Variants in DPYSL3 observed in about 807,000 individuals in gnomAD.
DPYSL3 encodes the protein dihydropyrimidinase like 3, also known as dihydropyrimidinase-related protein 3.
DPYSL3 carries 16 observed loss-of-function variants against 66.1 expected under a neutral mutation model. The ratio of observed to expected loss-of-function variants is 0.24; its 90% CI spans 0.16 to 0.37. The LOEUF (loss-of-function observed/expected upper bound fraction) is 0.37, where lower values mean the gene tolerates loss of function less well. DPYSL3 is among the 10% of genes least tolerant of loss of function. The probability of loss-of-function intolerance (pLI) is 1.00; values close to 1 mark genes in which losing one functional copy is unlikely to be tolerated. For missense variants in DPYSL3, 738 were observed against 916.2 expected (o/e 0.81, Z 2.51); for synonymous variants, 338 against 345.1 (o/e 0.98, Z 0.23).
intron 10 of DPYSL3, 39 bp from the exon 11 acceptor site, chr5:147,399,291 A>G: frequency 2.5e-6 from 4 of 1,595,050 alleles, no homozygotes; most frequent in Non-Finnish European, 2.6e-6. Context: ...ATCTATAGCT[A>G]CATATATATC....
At chr5:147,437,098 G>A (rs755703475) in intron 1 of DPYSL3, among the ~76,000 whole-genome samples, 8 of 152,154 alleles carry the variant, frequency 5.3e-5, no homozygotes, top group Admixed American at 1.3e-4. Context: ...CAAGGATTCC[G>A]GTCAAAGTTC....
At position 147,446,095 on chromosome 5, in the gene DPYSL3, C is replaced by G. The variant is rs552971742; in HGVS notation, c.382-21132G>C. On this transcript the variant is annotated intron_variant, in intron 1 of 13. Transcript: ENST00000343218. ...ATCCACTTTCTCCCTACTCTCTTTT[C>G]CCTCACAGGAAGGCCTTAGAACTCC... Among the ~76,000 whole-genome samples the G allele has an allele frequency of 2.0e-5, 3 of 152,316 alleles. No homozygotes were observed. The East Asian group carries it at 5.8e-4, about 29-fold the overall frequency.
In DPYSL3 at chr5:147,394,048, G is replaced by A. The variant is rs760199898; in HGVS notation, c.2042C>T (p.Thr681Ile). Residue 681 changes from threonine (T) to isoleucine (I), a missense_variant, in exon 14 of 14, where the codon ACA becomes ATA. Coordinates refer to ENST00000343218, the MANE Select transcript of DPYSL3 (RefSeq NM_001197294.2). ...AGGAAGGCTTGCTTAACTCAGAGAT[G>A]TGATATTAGAACGGCCGCCTGGGGG... ...VAPPGGRSNI[T>I]SLS 1.5e-5 allele frequency: 25 copies of A among 1,614,052 alleles called. No homozygotes were observed. The highest frequency in any genetic ancestry group is 1.6e-4 in the Middle Eastern group (1 of 6,084).
At chr5:147,454,812 T>C (rs1752815836) in intron 1 of DPYSL3, among the ~76,000 whole-genome samples, 1 of 152,158 alleles carries the variant, frequency 6.6e-6, no homozygotes, top group South Asian at 2.1e-4. Context: ...TTTAGCTACC[T>C]GCTAAAATCA....
intron 1 of DPYSL3, among the ~76,000 whole-genome samples, chr5:147,495,227 T>C (rs1356311263): frequency 6.6e-6 from 1 of 152,128 alleles, no homozygotes; most frequent in Non-Finnish European, 1.5e-5. Flanking sequence ...ACTGTCACAT[T>C]AAAATCTAAC....
chr5:147,459,050 C>G (rs1752894794), intron 1 of DPYSL3, among the ~76,000 whole-genome samples: 1 of 151,198 alleles, frequency 6.6e-6, no homozygotes, highest in African/African-American at 2.4e-5. Context: ...TTTATAGCCC[C>G]CAGCTCTTTT....
At position 147,401,555 on chromosome 5, in the gene DPYSL3, T is replaced by C. The variant is rs539740774; in HGVS notation, c.1295A>G (p.Asn432Ser). 9.3e-6 allele frequency: 15 copies of C among 1,612,456 alleles called. No homozygotes were observed. The South Asian group carries it at 1.2e-4, about 13-fold the overall frequency. Residue 432 changes from asparagine to serine, a missense_variant, in exon 9 of 14, where the codon AAC (asparagine) becomes AGC (serine). Transcript: ENST00000343218. ...SPDPTTPDYI[N>S]SLLASGDLQL... ...CTGCACCAACCTGGCCAGCAAGGAG[T>C]TGATGTAGTCCGGAGTAGTTGGGTC...
intron 13 of DPYSL3, among the ~76,000 whole-genome samples, chr5:147,394,664 G>C (rs1213020636): frequency 6.7e-6 from 1 of 150,006 alleles, no homozygotes; most frequent in Non-Finnish European, 1.5e-5. Flanking sequence ...AATTAAGGTA[G>C]CCAGAGAACA....
At chr5:147,429,686 A>T (rs1752271650) in intron 1 of DPYSL3, among the ~76,000 whole-genome samples, 1 of 152,136 alleles carries the variant, frequency 6.6e-6, no homozygotes, top group African/African-American at 2.4e-5. Flanking sequence ...TCCAATTTGA[A>T]GTAAACCCAT....
intron 1 of DPYSL3, chr5:147,453,451 C>G: frequency 7.0e-7 from 1 of 1,425,862 alleles, no homozygotes; most frequent in Non-Finnish European, 9.2e-7. Context: ...CCCCGGGGAC[C>G]AGGCCAGAGA....
At chr5:147,420,532 T>C (rs999685798) in intron 2 of DPYSL3, among the ~76,000 whole-genome samples, 4 of 152,140 alleles carry the variant, frequency 2.6e-5, no homozygotes, top group Non-Finnish European at 5.9e-5. Flanking sequence ...TGATAATGAG[T>C]ACCATACCGT....
chr5:147,469,812 T>A (rs1266280229), intron 1 of DPYSL3, among the ~76,000 whole-genome samples: 2 of 152,210 alleles, frequency 1.3e-5, no homozygotes, highest in Non-Finnish European at 2.9e-5. Context: ...AGCCTCAGTA[T>A]CATACATCTA....
intron 1 of DPYSL3, among the ~76,000 whole-genome samples, chr5:147,500,278 T>C (rs1189101010): frequency 6.6e-6 from 1 of 152,186 alleles, no homozygotes; most frequent in Non-Finnish European, 1.5e-5. Context: ...AATACATATC[T>C]GATAAACAAC....
chr5:147,429,142 A>G (rs1215154053), intron 1 of DPYSL3, among the ~76,000 whole-genome samples: 2 of 152,256 alleles, frequency 1.3e-5, no homozygotes, highest in Non-Finnish European at 2.9e-5. Context: ...AAGAATGATG[A>G]TACCACTAGG....
chr5:147,412,670 A>C lies in DPYSL3; in HGVS notation c.901T>G (p.Cys301Gly). Residue 301 changes from cysteine (C) to glycine (G), a missense_variant, in exon 6 of 14, where the codon TGC becomes GGC. Cys to Gly is a radical substitution (Grantham distance 159). Coordinates refer to ENST00000343218, the MANE Select transcript of DPYSL3 (RefSeq NM_001197294.2). ...SNTELYEIFT[C>G]LGELGAIAQV... ...GCAATGGCCCCCAGCTCTCCCAGGC[A>C]GGTGAAGATCTCATAGAGCTGAAAT... 6.2e-7 allele frequency: 1 copy of C among 1,612,228 alleles called. No homozygotes were observed.
At chr5:147,457,225 AG>A (rs1252623499) in intron 1 of DPYSL3, among the ~76,000 whole-genome samples, 1 of 152,152 alleles carries the variant, frequency 6.6e-6, no homozygotes, top group Non-Finnish European at 1.5e-5. Flanking sequence ...GTCACTTGCT[AG>A]CCCCCTTTCC....
At chr5:147,453,431 C>A in intron 1 of DPYSL3, 1 of 1,368,204 alleles carries the variant, frequency 7.3e-7, no homozygotes, top group South Asian at 1.7e-5. Context: ...GACCCCGGGT[C>A]TCCGTCCCTC....
intron 1 of DPYSL3, among the ~76,000 whole-genome samples, chr5:147,429,492 G>C (rs141431705): frequency 5.9e-5 from 9 of 152,000 alleles, no homozygotes; most frequent in Non-Finnish European, 8.8e-5. Context: ...GTGTGTGTGC[G>C]TGTATAATCT....
intron 2 of DPYSL3, among the ~76,000 whole-genome samples, chr5:147,423,846 G>A (rs1308478219): frequency 6.6e-6 from 1 of 152,096 alleles, no homozygotes. Context: ...TCAGGTCCCT[G>A]AGTAGCTGGG....
Sources: gnomAD v4.1 joint callset for allele counts (sites outside exome capture counted in the v4.1 genomes callset) on GRCh38, gnomAD v4.1.1 for gene constraint, MANE v1.5 for transcripts, NCBI Gene and HGNC (gene_info 2026-07-23, HGNC 2026-07-21) for gene names.